Variants in FGF7 observed in about 807,000 individuals in gnomAD.
The protein encoded by FGF7 is fibroblast growth factor 7.
FGF7 carries 6 observed loss-of-function variants against 20.5 expected under a neutral mutation model. The ratio of observed to expected loss-of-function variants is 0.29; its 90% CI spans 0.16 to 0.58. FGF7 has a LOEUF of 0.58. FGF7 is among the 20% of genes least tolerant of loss of function. FGF7 has a pLI of 0.90. For synonymous variants in FGF7, 64 were observed against 74.7 expected, an observed-to-expected ratio of 0.86 and a Z score of 0.74; for missense variants, 144 against 228.8, an observed-to-expected ratio of 0.63 and a Z score of 2.39.
At chr15:49,427,233 T>C (rs1426441249) in intron 2 of FGF7, among the ~76,000 whole-genome samples, 1 of 152,040 alleles carries the variant, frequency 6.6e-6, no homozygotes, top group East Asian at 1.9e-4. Context: ...CAGAATTTGT[T>C]TAAAATAACA....
chr15:49,481,290 C>T lies in FGF7; in HGVS notation c.287-1861C>T, dbSNP rs182279117. On this transcript the variant is annotated intron_variant, in intron 2 of 3. Coordinates refer to ENST00000267843, the MANE Select transcript of FGF7 (RefSeq NM_002009.4). ...CACCAACCTAACTGATACATTTATT[C>T]CATTTTGGAGGTATTGCAAATATGT... Among the ~76,000 whole-genome samples, 611 of 152,298 alleles carry T rather than the reference C, an allele frequency of 4.0e-3. 3 individuals are homozygous for T. The highest frequency in any genetic ancestry group is 0.014 in the Middle Eastern group (4 of 294).
intron 2 of FGF7, among the ~76,000 whole-genome samples, chr15:49,476,533 T>G (rs377223382): frequency 2.6e-5 from 4 of 152,174 alleles, no homozygotes; most frequent in South Asian, 4.1e-4. Context: ...CTGTCCATAT[T>G]TCACAAAAAG....
At chr15:49,475,083 T>G (rs1460751080) in intron 2 of FGF7, among the ~76,000 whole-genome samples, 1 of 152,148 alleles carries the variant, frequency 6.6e-6, no homozygotes, top group Non-Finnish European at 1.5e-5. Context: ...TCACAAAAGA[T>G]CTATAGAATT....
At chr15:49,431,045 C>A (rs986885835) in intron 2 of FGF7, among the ~76,000 whole-genome samples, 1 of 151,828 alleles carries the variant, frequency 6.6e-6, no homozygotes, top group Admixed American at 6.6e-5. Flanking sequence ...AGCACAATAA[C>A]TTCTCTAACA....
intron 2 of FGF7, among the ~76,000 whole-genome samples, chr15:49,445,638 A>G (rs1429664054): frequency 6.6e-6 from 1 of 151,614 alleles, no homozygotes; most frequent in African/African-American, 2.4e-5. Context: ...TGTGTACACC[A>G]TAAATATGTA....
At chr15:49,440,674 TC>T (rs1391794598) in intron 2 of FGF7, among the ~76,000 whole-genome samples, 5 of 151,740 alleles carry the variant, frequency 3.3e-5, no homozygotes, top group Non-Finnish European at 5.9e-5. Context: ...TTACATGATT[TC>T]TCTCATCTAA....
Position 49,446,585 on chromosome 15 carries a change from AG to A in FGF7, c.286+22005del, listed in dbSNP as rs568635989. On this transcript the variant is annotated intron_variant, in intron 2 of 3. Coordinates refer to ENST00000267843, the MANE Select transcript of FGF7 (RefSeq NM_002009.4). ...AAGGATTGGTTGGAGGATTTCATAGAGGGTAAAGAGCTTTTTTAAAGAAGAG... is the reference window on the plus strand; with the variant it reads ...AAGGATTGGTTGGAGGATTTCATAGAGGTAAAGAGCTTTTTTAAAGAAGAG... 9.0e-4 allele frequency among the ~76,000 whole-genome samples: 137 copies of A among 151,432 alleles called. 5 individuals carry two copies. In the South Asian group the frequency reaches 0.027, roughly 30 times the overall value.
chr15:49,464,378 T>C (rs771349546), intron 2 of FGF7, among the ~76,000 whole-genome samples: 1 of 152,202 alleles, frequency 6.6e-6, no homozygotes, highest in Non-Finnish European at 1.5e-5. Flanking sequence ...AACAGTGAGA[T>C]TCCTCTAAAA....
chr15:49,451,604 G>A (rs907947808), intron 2 of FGF7, among the ~76,000 whole-genome samples: 6 of 151,506 alleles, frequency 4.0e-5, no homozygotes, highest in Non-Finnish European at 8.8e-5. Context: ...TAAATGTACT[G>A]ACTACACATT....
At chr15:49,483,110 C>A in intron 2 of FGF7, 41 bp from the exon 3 acceptor site, 1 of 1,126,886 alleles carries the variant, frequency 8.9e-7, no homozygotes, top group Non-Finnish European at 1.3e-6. Flanking sequence ...ATTTGCAAAA[C>A]TGAACGAATA....
intron 2 of FGF7, among the ~76,000 whole-genome samples, chr15:49,477,492 T>G (rs1406594616): frequency 1.3e-5 from 2 of 152,248 alleles, no homozygotes; most frequent in Non-Finnish European, 2.9e-5. Context: ...GTTCCCCTTG[T>G]CTTTTTGTGG....
intron 2 of FGF7, among the ~76,000 whole-genome samples, chr15:49,447,843 C>T (rs183201433): frequency 5.3e-5 from 8 of 151,720 alleles, no homozygotes; most frequent in East Asian, 3.9e-4. Flanking sequence ...ATTCACAGAA[C>T]GAGAATGAAT....
In FGF7 at chr15:49,424,487, A is replaced by G; in HGVS notation, c.190A>G (p.Ile64Val). ...TTATGATTACATGGAAGGAGGGGAT[A>G]TAAGAGTGAGAAGACTCTTCTGTCG... The part of the protein sequence containing the change: ...RSYDYMEGGD[I>V]RVRRLFCRTQ... Residue 64 changes from isoleucine (I) to valine (V), a missense_variant, in exon 2 of 4, where the codon ATA (isoleucine) becomes GTA (valine). By Grantham distance (29) the Ile-to-Val change is conservative. This residue lies in a region of FGF7 where 88 missense variants were observed against 103.4 expected (regional missense o/e 0.85). Transcript: ENST00000267843. 1 of 1,613,594 alleles carries G rather than the reference A, an allele frequency of 6.2e-7. No homozygotes were observed. The highest frequency in any genetic ancestry group is 8.5e-7 in the Non-Finnish European group (1 of 1,179,658).
chr15:49,457,630 A>G (rs960250914), intron 2 of FGF7, among the ~76,000 whole-genome samples: 17 of 152,138 alleles, frequency 1.1e-4, no homozygotes, highest in African/African-American at 4.1e-4. Flanking sequence ...ATGAGTCTAT[A>G]AAATGAGTAT....
intron 2 of FGF7, among the ~76,000 whole-genome samples, chr15:49,460,331 G>A (rs1013886651): frequency 2.0e-5 from 3 of 152,178 alleles, no homozygotes; most frequent in Non-Finnish European, 2.9e-5. Flanking sequence ...CAAACATATA[G>A]CCATGCTTAT....
chr15:49,465,976 T>G (rs2054234567), intron 2 of FGF7, among the ~76,000 whole-genome samples: 1 of 152,174 alleles, frequency 6.6e-6, no homozygotes. Context: ...CATAAGATAG[T>G]CTCTTCAAAT....
chr15:49,471,224 G>C (rs931671613), intron 2 of FGF7, among the ~76,000 whole-genome samples: 2 of 150,384 alleles, frequency 1.3e-5, no homozygotes, highest in African/African-American at 4.9e-5. Context: ...AGTGACTCGT[G>C]CCTGTAATCC....
chr15:49,484,764 C>G lies in FGF7; in HGVS notation c.*260C>G. On this transcript the variant is annotated 3_prime_UTR_variant, in exon 4 of 4. Transcript: ENST00000267843. ...AAAATTGTAAAACTGGTTGTACAAT[C>G]ATGATGTTAGTAACAGTAATTTTTT... 1 of 306,018 alleles carries G rather than the reference C, an allele frequency of 3.3e-6. No individual in the cohort carries two copies. Among genetic ancestry groups the G allele is most frequent in the Non-Finnish European group, 5.9e-6 (1 of 168,556 alleles). 19.0% of individuals were successfully genotyped at this position (306,018 alleles called of 1,614,324 possible).
intron 2 of FGF7, among the ~76,000 whole-genome samples, chr15:49,437,959 A>T (rs2899435): frequency 6.6e-6 from 1 of 151,254 alleles, no homozygotes; most frequent in Non-Finnish European, 1.5e-5. Context: ...CTCAAAGAGC[A>T]GGTGGGAGTG....
Sources: allele counts gnomAD v4.1 joint callset (sites outside exome capture counted in the v4.1 genomes callset), GRCh38; gene constraint gnomAD v4.1.1; regional missense constraint gnomAD v4.1.1; transcripts MANE v1.5; gene names NCBI Gene and HGNC (gene_info 2026-07-23, HGNC 2026-07-21).